Variants in TMCC1 observed in about 807,000 individuals in gnomAD.
TMCC1 encodes the protein transmembrane and coiled-coil domains protein 1.
TMCC1 carries 15 observed loss-of-function variants against 52.4 expected under a neutral mutation model. The ratio of observed to expected loss-of-function variants is 0.29; its 90% CI spans 0.19 to 0.44. The LOEUF (loss-of-function observed/expected upper bound fraction) is 0.44, where lower values mean the gene tolerates loss of function less well. Ranked by LOEUF, TMCC1 falls within the 20% of genes least tolerant of loss-of-function variation. TMCC1 has a pLI of 1.00. For missense variants in TMCC1, 503 were observed against 806.0 expected (o/e 0.62, Z 4.55); for synonymous variants, 279 against 301.9 (o/e 0.92, Z 0.79).
intron 2 of TMCC1, among the ~76,000 whole-genome samples, chr3:129,849,255 GA>G (rs1290311933): frequency 1.1e-4 from 17 of 152,248 alleles, no homozygotes; most frequent in African/African-American, 4.1e-4. Flanking sequence ...CTGAGGTCAG[GA>G]GTTCGAGACC....
At chr3:129,867,370 C>T (rs974635455) in intron 2 of TMCC1, among the ~76,000 whole-genome samples, 3 of 152,188 alleles carry the variant, frequency 2.0e-5, no homozygotes, top group Admixed American at 6.5e-5. Context: ...TCAAATCCTC[C>T]TGTAATCGCT....
chr3:129,821,766 T>C (rs1279870952), intron 4 of TMCC1, among the ~76,000 whole-genome samples: 3 of 152,142 alleles, frequency 2.0e-5, no homozygotes, highest in African/African-American at 7.2e-5. Context: ...GCCATCTCAC[T>C]AAATATAAGA....
At chr3:129,654,460 C>A (rs973428527) in intron 6 of TMCC1, among the ~76,000 whole-genome samples, 1 of 152,116 alleles carries the variant, frequency 6.6e-6, no homozygotes. Flanking sequence ...TCCCTAAATA[C>A]CTCCATATAG....
chr3:129,760,658 T>C (rs1392410879), intron 4 of TMCC1, among the ~76,000 whole-genome samples: 5 of 151,972 alleles, frequency 3.3e-5, no homozygotes, highest in South Asian at 2.1e-4. Context: ...TTTGTATTTT[T>C]AGTAGAGACG....
At position 129,811,297 on chromosome 3, in the gene TMCC1, C is replaced by A. The variant is rs1036322279; in HGVS notation, c.576+16506G>T. Among the ~76,000 whole-genome samples the A allele has an allele frequency of 3.9e-5, 6 of 152,142 alleles. No homozygotes were observed. In the South Asian group the frequency reaches 1.0e-3, roughly 26 times the overall value. On this transcript the variant is annotated intron_variant, in intron 4 of 6. Coordinates refer to ENST00000393238, the MANE Select transcript of TMCC1 (RefSeq NM_001017395.5). Reference sequence around the variant, plus strand: ...TTAATTTTTTAGAGATAGGATATCACTCTGTTGCCCAGACTGGACTGCAGT... The same window carrying A: ...TTAATTTTTTAGAGATAGGATATCAATCTGTTGCCCAGACTGGACTGCAGT...
At chr3:129,728,562 G>A (rs773701530) in intron 4 of TMCC1, among the ~76,000 whole-genome samples, 12 of 152,172 alleles carry the variant, frequency 7.9e-5, no homozygotes, top group Non-Finnish European at 1.6e-4. Context: ...GGGATTACAG[G>A]TGTGAGCCAC....
intron 4 of TMCC1, among the ~76,000 whole-genome samples, chr3:129,706,879 G>A (rs895685285): frequency 5.9e-5 from 9 of 152,022 alleles, no homozygotes; most frequent in Non-Finnish European, 1.2e-4. Flanking sequence ...TGTGATCATA[G>A]CTCACTGCAG....
At chr3:129,822,527 CA>C (rs971045774) in intron 4 of TMCC1, among the ~76,000 whole-genome samples, 1 of 152,210 alleles carries the variant, frequency 6.6e-6, no homozygotes, top group Non-Finnish European at 1.5e-5. Flanking sequence ...TGCCTTCAAA[CA>C]AGCTGATCTA....
intron 6 of TMCC1, among the ~76,000 whole-genome samples, chr3:129,652,608 A>T (rs1056516570): frequency 7.2e-5 from 11 of 152,222 alleles, no homozygotes; most frequent in Non-Finnish European, 1.5e-4. Context: ...ATCAGTTTTT[A>T]AAAAAATTAA....
intron 4 of TMCC1, among the ~76,000 whole-genome samples, chr3:129,814,399 T>A (rs949667580): frequency 6.7e-6 from 1 of 148,782 alleles, no homozygotes; most frequent in Non-Finnish European, 1.5e-5. Flanking sequence ...CAAAAACCTA[T>A]AACAGATTCA....
At chr3:129,682,589 A>AGACTCTCTGCTACATAGAT (rs929148261) in intron 4 of TMCC1, among the ~76,000 whole-genome samples, 1 of 152,176 alleles carries the variant, frequency 6.6e-6, no homozygotes, top group African/African-American at 2.4e-5. Context: ...TCCAAGCTTC[A>AGACTCTCTGCTACATAGAT]GACTCTCTGC....
At chr3:129,881,588 G>A (rs1019800751) in intron 1 of TMCC1, among the ~76,000 whole-genome samples, 1 of 152,056 alleles carries the variant, frequency 6.6e-6, no homozygotes, top group Non-Finnish European at 1.5e-5. Context: ...CATACAGGGT[G>A]GTTTGCATAC....
chr3:129,710,174 AGATTCCATCTCAAAAC>A, intron 4 of TMCC1, among the ~76,000 whole-genome samples: 1 of 135,128 alleles, frequency 7.4e-6, no homozygotes, highest in Middle Eastern at 3.5e-3. Context: ...CGACAGAGCG[AGATTCCATCTCAAAAC>A]AAACAAACAA....
intron 4 of TMCC1, among the ~76,000 whole-genome samples, chr3:129,706,842 G>A (rs150485259): frequency 1.3e-5 from 2 of 152,148 alleles, no homozygotes; most frequent in African/African-American, 4.8e-5. Context: ...CTGTTGCACA[G>A]GCTGGAGTGC....
chr3:129,823,571 G>T (rs185703776), intron 4 of TMCC1, among the ~76,000 whole-genome samples: 157 of 152,044 alleles, frequency 1.0e-3, no homozygotes, highest in African/African-American at 3.4e-3. Context: ...TTCAACATTG[G>T]GCTAACTTGC....
intron 2 of TMCC1, among the ~76,000 whole-genome samples, chr3:129,877,999 CCCAGG>C (rs2061301417): frequency 1.3e-5 from 2 of 150,624 alleles, no homozygotes; most frequent in South Asian, 4.2e-4. Flanking sequence ...GCTCTTTTAG[CCCAGG>C]CTGGAGTATA....
chr3:129,812,941 C>G (rs894958024), intron 4 of TMCC1, among the ~76,000 whole-genome samples: 2 of 152,058 alleles, frequency 1.3e-5, no homozygotes, highest in African/African-American at 4.8e-5. Context: ...AGATAAAGGT[C>G]TAATATTCAG....
At chr3:129,758,337 G>A (rs1239745707) in intron 4 of TMCC1, among the ~76,000 whole-genome samples, 1 of 152,198 alleles carries the variant, frequency 6.6e-6, no homozygotes, top group East Asian at 1.9e-4. Flanking sequence ...TGGAATTCAT[G>A]TTTAGGTTAA....
At chr3:129,784,079 T>C (rs1033512435) in intron 4 of TMCC1, among the ~76,000 whole-genome samples, 1 of 151,954 alleles carries the variant, frequency 6.6e-6, no homozygotes, top group African/African-American at 2.4e-5. Context: ...AAGACGGCAG[T>C]GGTAGTATGG....
Sources: gnomAD v4.1 joint callset for allele counts (sites outside exome capture counted in the v4.1 genomes callset) on GRCh38, gnomAD v4.1.1 for gene constraint, MANE v1.5 for transcripts, NCBI Gene and HGNC (gene_info 2026-07-23, HGNC 2026-07-21) for gene names.